SUMF1: variants seen among roughly 807,000 people sequenced by gnomAD.
The protein encoded by SUMF1 is formylglycine-generating enzyme.
Under a neutral mutation model 47.6 loss-of-function variants are expected in SUMF1, and 48 were observed. The observed-to-expected ratio is 1.01, with a 90% CI of 0.80 to 1.28. The LOEUF (loss-of-function observed/expected upper bound fraction) is 1.28, where lower values mean the gene tolerates loss of function less well. SUMF1 is among the 50% of genes most tolerant of loss of function. The probability of loss-of-function intolerance (pLI) is 0.00; values close to 1 mark genes in which losing one functional copy is unlikely to be tolerated. For synonymous variants in SUMF1, 230 were observed against 192.1 expected (o/e 1.20, Z -1.63); for missense variants, 571 against 485.4 (o/e 1.18, Z -1.66).
chr3:4,398,568 A>G (rs1701110377), intron 7 of SUMF1, among the ~76,000 whole-genome samples: 1 of 152,228 alleles, frequency 6.6e-6, no homozygotes, highest in Non-Finnish European at 1.5e-5. Context: ...AAATGGCACT[A>G]TATTACTTTA....
At chr3:4,138,504 G>T (rs528294876) in intron 8 of SUMF1, among the ~76,000 whole-genome samples, 4 of 152,194 alleles carry the variant, frequency 2.6e-5, no homozygotes, top group African/African-American at 9.6e-5. Flanking sequence ...GAAGGGACTG[G>T]AGACTAAAAA....
chr3:4,396,916 T>C (rs1326964159), intron 7 of SUMF1, among the ~76,000 whole-genome samples: 2 of 152,210 alleles, frequency 1.3e-5, no homozygotes, highest in Non-Finnish European at 2.9e-5. Context: ...ATAAAGCATC[T>C]ATGTGCTGAA....
intron 3 of SUMF1, among the ~76,000 whole-genome samples, chr3:4,428,684 C>T (rs1461257126): frequency 2.0e-5 from 3 of 148,890 alleles, no homozygotes; most frequent in Non-Finnish European, 4.4e-5. Context: ...GAAACGTCTA[C>T]AGCGAACATA....
intron 9 of SUMF1, among the ~76,000 whole-genome samples, chr3:4,055,516 T>A (rs1695175993): frequency 6.6e-6 from 1 of 152,152 alleles, no homozygotes; most frequent in African/African-American, 2.4e-5. Context: ...AGAGTCTCGC[T>A]CTGTCACTCC....
chr3:4,405,670 G>A lies in SUMF1; in HGVS notation c.954+5195C>T, dbSNP rs192025191. On this transcript the variant is annotated intron_variant, in intron 7 of 8. Coordinates refer to ENST00000272902, the MANE Select transcript of SUMF1 (RefSeq NM_182760.4). ...CCCAGAGTGCTGGGATTACAGGCAT[G>A]AGCCACTGCACCCAGCATATCCGAG... 2.5e-4 allele frequency among the ~76,000 whole-genome samples: 38 copies of A among 152,326 alleles called. 1 individual carries two copies. The highest frequency in any genetic ancestry group is 8.2e-4 in the African/African-American group (34 of 41,572).
intron 8 of SUMF1, among the ~76,000 whole-genome samples, chr3:4,127,986 T>C (rs1693694756): frequency 6.6e-6 from 1 of 152,018 alleles, no homozygotes; most frequent in Admixed American, 6.6e-5. Flanking sequence ...AGTGACTCTA[T>C]ACATAATACC....
chr3:4,259,582 T>A (rs966264644), intron 8 of SUMF1, among the ~76,000 whole-genome samples: 4 of 152,180 alleles, frequency 2.6e-5, no homozygotes, highest in Admixed American at 1.3e-4. Flanking sequence ...GTTTTTTCTA[T>A]CAATACATCT....
chr3:4,294,542 G>GA (rs1697806846), intron 8 of SUMF1, among the ~76,000 whole-genome samples: 1 of 152,126 alleles, frequency 6.6e-6, no homozygotes, highest in South Asian at 2.1e-4. Flanking sequence ...CTGAGTTGTA[G>GA]AGAGTGTACC....
chr3:4,312,482 A>G (rs1575081352), intron 8 of SUMF1, among the ~76,000 whole-genome samples: 1 of 152,226 alleles, frequency 6.6e-6, no homozygotes, highest in East Asian at 1.9e-4. Context: ...ATAACATACT[A>G]TTATATACAT....
At chr3:4,466,193 C>G (rs2633841) in intron 1 of SUMF1, among the ~76,000 whole-genome samples, 31,914 of 151,508 alleles carry the variant, frequency 0.21, 3,834 homozygotes, top group Non-Finnish European at 0.29. Context: ...CTCACTGCAA[C>G]CTCCGCCTCC....
chr3:4,283,605 A>T (rs1697572257), intron 8 of SUMF1, among the ~76,000 whole-genome samples: 1 of 152,212 alleles, frequency 6.6e-6, no homozygotes, highest in South Asian at 2.1e-4. Flanking sequence ...AACAGAGAAA[A>T]TGGCCAACAG....
intron 8 of SUMF1, among the ~76,000 whole-genome samples, chr3:4,212,554 A>G (rs575407588): frequency 1.5e-4 from 23 of 152,286 alleles, no homozygotes; most frequent in Admixed American, 3.3e-4. Context: ...ATGGACAGAG[A>G]ATGAGTTTGA....
chr3:4,253,615 C>A (rs13084916), intron 8 of SUMF1, among the ~76,000 whole-genome samples: 12,973 of 151,644 alleles, frequency 0.086, 733 homozygotes, highest in Non-Finnish European at 0.13. Context: ...GGTCCTACGC[C>A]CAAGGAATCT....
At chr3:4,142,526 T>C (rs1694095487) in intron 8 of SUMF1, among the ~76,000 whole-genome samples, 1 of 152,182 alleles carries the variant, frequency 6.6e-6, no homozygotes, top group Admixed American at 6.5e-5. Flanking sequence ...GTAAGGTATA[T>C]GAAAGCAATT....
At chr3:4,147,594 C>T (rs978335062) in intron 8 of SUMF1, among the ~76,000 whole-genome samples, 25 of 152,102 alleles carry the variant, frequency 1.6e-4, no homozygotes, top group Admixed American at 5.9e-4. Context: ...TGGTCTTTTT[C>T]TAGCCATTTT....
At chr3:4,238,532 G>A (rs909282300) in intron 8 of SUMF1, among the ~76,000 whole-genome samples, 4 of 152,160 alleles carry the variant, frequency 2.6e-5, no homozygotes, top group African/African-American at 4.8e-5. Context: ...GACCAGTGAC[G>A]ATGAGTTTTT....
intron 8 of SUMF1, chr3:4,229,411 G>A: frequency 2.9e-6 from 1 of 346,858 alleles, no homozygotes; most frequent in Admixed American, 4.0e-5. Context: ...TCTTAGCCAT[G>A]TCATTTCTCC....
intron 8 of SUMF1, among the ~76,000 whole-genome samples, chr3:4,326,580 T>A (rs1204665274): frequency 6.9e-6 from 1 of 145,800 alleles, no homozygotes; most frequent in African/African-American, 2.7e-5. Context: ...TGAAGTGACA[T>A]GATCTCAGCT....
intron 3 of SUMF1, among the ~76,000 whole-genome samples, chr3:4,425,347 T>G (rs1431525636): frequency 2.0e-5 from 3 of 152,204 alleles, no homozygotes; most frequent in African/African-American, 7.2e-5. Flanking sequence ...TAAAAATACA[T>G]GTAAAGTGCT....
Sources: allele counts gnomAD v4.1 joint callset (sites outside exome capture counted in the v4.1 genomes callset), GRCh38; gene constraint gnomAD v4.1.1; transcripts MANE v1.5; gene names NCBI Gene and HGNC (gene_info 2026-07-23, HGNC 2026-07-21).